Variants in SEZ6L observed in about 807,000 individuals in gnomAD.
SEZ6L encodes seizure 6-like protein.
A neutral mutation model predicts 106.2 loss-of-function variants in SEZ6L; 37 were observed. The observed-to-expected ratio is 0.35, with a 90% CI of 0.27 to 0.46. The LOEUF (loss-of-function observed/expected upper bound fraction) is 0.46. Among genes scored for constraint, SEZ6L ranks in the 20% least tolerant of loss-of-function variants. The pLI is 1.00. For missense variants in SEZ6L, 1,172 were observed against 1,332.8 expected (o/e 0.88, Z 1.88); for synonymous variants, 541 against 570.4 (o/e 0.95, Z 0.73).
intron 1 of SEZ6L, among the ~76,000 whole-genome samples, chr22:26,238,460 T>C (rs1354616591): frequency 6.6e-6 from 1 of 152,234 alleles, no homozygotes; most frequent in Admixed American, 6.5e-5. Flanking sequence ...TTCAAAACTG[T>C]TGATTAGCAC....
chr22:26,357,213 G>T (rs7292024), intron 12 of SEZ6L, among the ~76,000 whole-genome samples: 29 of 152,236 alleles, frequency 1.9e-4, no homozygotes, highest in African/African-American at 7.0e-4. Context: ...TCAAAGTGCT[G>T]GGATTACAGC....
At chr22:26,198,466 A>G (rs1023972265) in intron 1 of SEZ6L, among the ~76,000 whole-genome samples, 1 of 152,272 alleles carries the variant, frequency 6.6e-6, no homozygotes, top group African/African-American at 2.4e-5. Context: ...CAATGGGGAC[A>G]ACAAGCATAA....
At chr22:26,319,722 C>G (rs547353109) in intron 9 of SEZ6L, among the ~76,000 whole-genome samples, 1 of 152,374 alleles carries the variant, frequency 6.6e-6, no homozygotes, top group South Asian at 2.1e-4. Context: ...TCAACTCCCA[C>G]ACCTCCACCT....
chr22:26,223,500 T>TCC (rs1457570559), intron 1 of SEZ6L, among the ~76,000 whole-genome samples: 1 of 152,166 alleles, frequency 6.6e-6, no homozygotes, highest in Admixed American at 6.5e-5. Context: ...CTCCTCAGCC[T>TCC]CCCCTTCAGT....
At chr22:26,354,570 C>T (rs1325952120) in intron 12 of SEZ6L, among the ~76,000 whole-genome samples, 2 of 152,148 alleles carry the variant, frequency 1.3e-5, no homozygotes, top group African/African-American at 2.4e-5. Context: ...ACTGCAAGAG[C>T]GATCAGAAGC....
At chr22:26,304,361 A>AAAGAAAGAAGAAGG (rs2081547284) in intron 5 of SEZ6L, among the ~76,000 whole-genome samples, 3 of 112,948 alleles carry the variant, frequency 2.7e-5, no homozygotes, top group African/African-American at 1.1e-4. Context: ...CAAAAAAAAA[A>AAAGAAAGAAGAAGG]AAAGAAAGAA....
rs538370148 is a variant in SEZ6L, at chr22:26,192,476, C to T, written c.94+22713C>T. Among the ~76,000 whole-genome samples, 6 of 152,298 alleles carry T rather than the reference C, an allele frequency of 3.9e-5. No individual in the cohort carries two copies. In the East Asian group the frequency reaches 1.2e-3, roughly 29 times the overall value. ...AGTTTCTTGAAAATCATCAAGCATA[C>T]TCAGGAATTCTTGTGAAATGAGACT... On this transcript the variant is annotated intron_variant, in intron 1 of 16. Transcript: ENST00000248933.
At chr22:26,196,438 A>G (rs1351218918) in intron 1 of SEZ6L, among the ~76,000 whole-genome samples, 2 of 152,212 alleles carry the variant, frequency 1.3e-5, no homozygotes, top group African/African-American at 4.8e-5. Flanking sequence ...TCTGAGTAAG[A>G]ACTAAGGCCA....
At chr22:26,235,831 G>A (rs1245341698) in intron 1 of SEZ6L, among the ~76,000 whole-genome samples, 1 of 152,200 alleles carries the variant, frequency 6.6e-6, no homozygotes, top group Non-Finnish European at 1.5e-5. Flanking sequence ...TTCATCCGGA[G>A]GGCCATGGGG....
chr22:26,261,606 T>G (rs1172723440), intron 1 of SEZ6L, among the ~76,000 whole-genome samples: 1 of 152,126 alleles, frequency 6.6e-6, no homozygotes, highest in Admixed American at 6.6e-5. Flanking sequence ...CCTAACCTTG[T>G]GAAATTTACA....
chr22:26,231,131 A>G (rs2078785396), intron 1 of SEZ6L, among the ~76,000 whole-genome samples: 1 of 152,220 alleles, frequency 6.6e-6, no homozygotes, highest in Non-Finnish European at 1.5e-5. Context: ...GAGCCCGGCT[A>G]CCCCATAATA....
intron 1 of SEZ6L, among the ~76,000 whole-genome samples, chr22:26,262,354 T>C (rs1028262199): frequency 6.6e-6 from 1 of 151,994 alleles, no homozygotes; most frequent in Non-Finnish European, 1.5e-5. Context: ...GAGACTCAAC[T>C]GCAGCACATC....
At chr22:26,238,359 T>G (rs1215825226) in intron 1 of SEZ6L, among the ~76,000 whole-genome samples, 1 of 152,152 alleles carries the variant, frequency 6.6e-6, no homozygotes, top group Non-Finnish European at 1.5e-5. Context: ...AAATATGCAT[T>G]CCATCTGGAA....
chr22:26,297,715 T>A (rs2081341100), intron 4 of SEZ6L, among the ~76,000 whole-genome samples: 1 of 152,092 alleles, frequency 6.6e-6, no homozygotes, highest in Admixed American at 6.6e-5. Flanking sequence ...TTCATTCCTC[T>A]CTTCTCTTAC....
chr22:26,256,879 T>C (rs2079840091), intron 1 of SEZ6L, among the ~76,000 whole-genome samples: 1 of 152,154 alleles, frequency 6.6e-6, no homozygotes. Context: ...CGGCTGAGAT[T>C]CCTTCAAGAG....
chr22:26,377,033 A>C (rs944933384), intron 15 of SEZ6L, among the ~76,000 whole-genome samples: 1 of 152,216 alleles, frequency 6.6e-6, no homozygotes, highest in African/African-American at 2.4e-5. Context: ...TAATCCCAGC[A>C]CTTTGGGAGG....
At chr22:26,212,684 A>G (rs1449005095) in intron 1 of SEZ6L, among the ~76,000 whole-genome samples, 1 of 152,204 alleles carries the variant, frequency 6.6e-6, no homozygotes, top group Non-Finnish European at 1.5e-5. Context: ...CGGCCTCCCA[A>G]TGTGGTGGGA....
chr22:26,375,665 GA>G lies in SEZ6L; in HGVS notation c.2919del (p.Gly974GlufsTer19). Reference protein sequence around the residue: ...IPVLIISLLLGGAYIYITRCR... With the variant: ...IPVLIISLLLXGAYIYITRCR... ...GTCCTCATCATCTCCTTACTGCTGG[GA>G]GGAGCCTACATTTACATCACAAGGT... On this transcript the variant is annotated frameshift_variant, in exon 15 of 17. Transcript: ENST00000248933. LOFTEE classifies it high-confidence loss of function. The G allele has an allele frequency of 6.2e-7, 1 of 1,613,794 alleles. No homozygotes were observed. Among genetic ancestry groups the G allele is most frequent in the Non-Finnish European group, 8.5e-7 (1 of 1,179,748 alleles).
At chr22:26,339,600 A>G (rs572612033) in intron 9 of SEZ6L, among the ~76,000 whole-genome samples, 1 of 152,344 alleles carries the variant, frequency 6.6e-6, no homozygotes, top group South Asian at 2.1e-4. Context: ...AGCATATCTC[A>G]TAAGTAAGGT....
Sources: allele counts gnomAD v4.1 joint callset (sites outside exome capture counted in the v4.1 genomes callset), GRCh38; gene constraint gnomAD v4.1.1; transcripts MANE v1.5; gene names NCBI Gene and HGNC (gene_info 2026-07-23, HGNC 2026-07-21).